Variants in RFWD3 observed in about 807,000 individuals in gnomAD.
The protein encoded by RFWD3 is E3 ubiquitin-protein ligase RFWD3.
RFWD3 carries 65 observed loss-of-function variants against 87.7 expected under a neutral mutation model. The ratio of observed to expected loss-of-function variants is 0.74; its 90% confidence interval spans 0.61 to 0.91. The LOEUF is 0.91. RFWD3 is among the 40% of genes least tolerant of loss of function. RFWD3 has a pLI of 0.00. For synonymous variants in RFWD3, 433 were observed against 352.8 expected (o/e 1.23, Z -2.55); for missense variants, 1,078 against 938.5 (o/e 1.15, Z -1.94).
chr16:74,643,473 A>C (rs545301100), intron 6 of RFWD3, among the ~76,000 whole-genome samples: 18 of 152,112 alleles, frequency 1.2e-4, no homozygotes, highest in African/African-American at 4.1e-4. Flanking sequence ...ACAGCCTTCA[A>C]TGTTTCTTTA....
At position 74,637,122 on chromosome 16, in the gene RFWD3, T is replaced by TAAAAA. The variant is rs759556308; in HGVS notation, c.1195-550_1195-546dup. Among the ~76,000 whole-genome samples the TAAAAA allele has an allele frequency of 1.2e-3, 122 of 101,376 alleles. 2 individuals are homozygous for TAAAAA. Among genetic ancestry groups the TAAAAA allele is most frequent in the Middle Eastern group, 0.012 (2 of 172 alleles). 66.5% of individuals were successfully genotyped at this position (101,376 alleles called of 152,430 possible). ...AATGGTGGTTTCGTTTAAAGTCCTTTAAAAAAAAAAAAAAAAAAAAAAACA... is the reference window on the plus strand; with the variant it reads ...AATGGTGGTTTCGTTTAAAGTCCTTTAAAAAAAAAAAAAAAAAAAAAAAAAAAACA... On this transcript the variant is annotated intron_variant, in intron 7 of 12. Coordinates refer to ENST00000361070, the MANE Select transcript of RFWD3 (RefSeq NM_018124.4).
intron 2 of RFWD3, among the ~76,000 whole-genome samples, chr16:74,659,817 T>A (rs933652094): frequency 1.3e-5 from 2 of 152,186 alleles, no homozygotes; most frequent in Admixed American, 1.3e-4. Flanking sequence ...AATTATCCCA[T>A]CAGCTTCCTC....
chr16:74,659,142 T>C (rs1202002350), intron 2 of RFWD3, among the ~76,000 whole-genome samples: 2 of 152,110 alleles, frequency 1.3e-5, no homozygotes. Flanking sequence ...TGGCATCTGG[T>C]TTATAAGTGT....
At chr16:74,626,000 A>C (rs1185569387) in intron 12 of RFWD3, among the ~76,000 whole-genome samples, 1 of 152,222 alleles carries the variant, frequency 6.6e-6, no homozygotes, top group Admixed American at 6.5e-5. Context: ...AGCCTGGCCA[A>C]CACGGTGAAA....
rs556542707 is a variant in RFWD3, at chr16:74,666,047, G to A, written c.-3+739C>T. On this transcript the variant is annotated intron_variant, in intron 1 of 12. Transcript: ENST00000361070. ...ACAGGAAAAAGGGAGGAAGAGAGAG[G>A]GAGAGGGAGAGGCGGAGGGGGAAGA... Among the ~76,000 whole-genome samples the A allele has an allele frequency of 6.6e-5, 10 of 152,040 alleles. No homozygotes were observed. The South Asian group carries it at 1.9e-3, about 28-fold the overall frequency.
intron 10 of RFWD3, among the ~76,000 whole-genome samples, chr16:74,630,127 ACT>A (rs1399028876): frequency 6.6e-6 from 1 of 150,838 alleles, no homozygotes; most frequent in African/African-American, 2.4e-5. Context: ...ATGGCGTCTC[ACT>A]CTGTTGCCCA....
intron 2 of RFWD3, among the ~76,000 whole-genome samples, chr16:74,656,740 G>A (rs1961018150): frequency 6.6e-6 from 1 of 152,182 alleles, no homozygotes; most frequent in African/African-American, 2.4e-5. Context: ...TTATAGGCAT[G>A]AGCCACTGTG....
chr16:74,643,043 T>A (rs914736045), intron 6 of RFWD3, among the ~76,000 whole-genome samples: 4 of 152,348 alleles, frequency 2.6e-5, no homozygotes, highest in African/African-American at 9.6e-5. Context: ...TCTTCCATTA[T>A]TTAAAAACGC....
At chr16:74,652,969 C>T (rs919704075) in intron 2 of RFWD3, among the ~76,000 whole-genome samples, 2 of 152,160 alleles carry the variant, frequency 1.3e-5, no homozygotes, top group African/African-American at 4.8e-5. Flanking sequence ...GCATGAGCCA[C>T]CACACCCAGA....
At chr16:74,633,192 G>A (rs1428956553) in intron 8 of RFWD3, among the ~76,000 whole-genome samples, 8 of 150,628 alleles carry the variant, frequency 5.3e-5, no homozygotes, top group East Asian at 2.0e-4. Context: ...CAGGAGAATC[G>A]CTTGAACCCA....
chr16:74,640,753 G>T (rs978703682), intron 6 of RFWD3, among the ~76,000 whole-genome samples: 1 of 151,686 alleles, frequency 6.6e-6, no homozygotes, highest in Non-Finnish European at 1.5e-5. Context: ...TCCTGGCCAA[G>T]ATGGTGAAAC....
Position 74,662,103 on chromosome 16 carries a change from G to T in RFWD3, c.-2-652C>A, listed in dbSNP as rs573785334. ...CATGTTTCCTATCTTTAATTCCATTGTATCAGTTTGAAAACTACCACCTAG... is the reference window on the plus strand; with the variant it reads ...CATGTTTCCTATCTTTAATTCCATTTTATCAGTTTGAAAACTACCACCTAG... On this transcript the variant is annotated intron_variant, in intron 1 of 12. Coordinates refer to ENST00000361070, the MANE Select transcript of RFWD3 (RefSeq NM_018124.4). 2.6e-5 allele frequency among the ~76,000 whole-genome samples: 4 copies of T among 151,542 alleles called. No individual in the cohort carries two copies. The South Asian group carries it at 6.3e-4, about 24-fold the overall frequency.
chr16:74,659,360 A>G (rs1961249517), intron 2 of RFWD3, among the ~76,000 whole-genome samples: 1 of 152,182 alleles, frequency 6.6e-6, no homozygotes, highest in South Asian at 2.1e-4. Context: ...AAATTACACC[A>G]TAAGGTGCCT....
At chr16:74,642,109 C>A (rs1331586013) in intron 6 of RFWD3, among the ~76,000 whole-genome samples, 2 of 152,042 alleles carry the variant, frequency 1.3e-5, no homozygotes. Flanking sequence ...ACTTAGTTCA[C>A]AGGAAGACTT....
intron 2 of RFWD3, among the ~76,000 whole-genome samples, chr16:74,657,472 C>CTTT (rs748644319): frequency 3.2e-5 from 3 of 92,538 alleles, no homozygotes; most frequent in Non-Finnish European, 6.2e-5. Flanking sequence ...CCCAGGTTTT[C>CTTT]TTTTTCTTTT....
Position 74,622,236 on chromosome 16 carries a change from G to A in RFWD3, c.*1692C>T, listed in dbSNP as rs189536063. The stretch of plus-strand genomic sequence containing the variant: ...TATTCTGCCACTGAAACTAGGCCTG[G>A]GCAACCACTCTTAATCATTAACATA... On this transcript the variant is annotated 3_prime_UTR_variant, in exon 13 of 13. Transcript: ENST00000361070. 6.6e-6 allele frequency: 1 copy of A among 151,896 alleles called. No individual in the cohort carries two copies. Among genetic ancestry groups the A allele is most frequent in the Non-Finnish European group, 1.5e-5 (1 of 67,996 alleles). 9.4% of individuals were successfully genotyped at this position (151,896 alleles called of 1,614,324 possible).
At position 74,651,998 on chromosome 16, in the gene RFWD3, C is replaced by A; in HGVS notation, c.643G>T (p.Asp215Tyr). 1 of 1,614,068 alleles carries A rather than the reference C, an allele frequency of 6.2e-7. No individual in the cohort carries two copies. The highest frequency in any genetic ancestry group is 1.1e-5 in the South Asian group (1 of 91,072). ...TCTGCAGAGCTGTCACTGTCAGAAT[C>A]AGAACTACTAGACACCTGCAACTCT... ...SEELQVSSSS[D>Y]SDSDSSAEYG... The change falls in exon 3 of 13, where the codon GAT (aspartate) becomes TAT (tyrosine). Residue 215 changes from aspartate (D) to tyrosine (Y), a missense_variant. Physicochemically the swap from Asp to Tyr is radical, Grantham distance 160. Transcript: ENST00000361070.
At chr16:74,635,805 T>C (rs1002444918) in intron 8 of RFWD3, among the ~76,000 whole-genome samples, 1 of 152,238 alleles carries the variant, frequency 6.6e-6, no homozygotes, top group Non-Finnish European at 1.5e-5. Flanking sequence ...AATGATTTAA[T>C]TGAGCATTTG....
At chr16:74,638,006 G>T (rs755561731) in intron 6 of RFWD3, 36 bp from the exon 7 acceptor site, 4 of 1,414,792 alleles carry the variant, frequency 2.8e-6, no homozygotes, top group Non-Finnish European at 4.0e-6. Flanking sequence ...TGGGGATTAG[G>T]AAGGCTACAG....
Sources: gnomAD v4.1 joint callset for allele counts (sites outside exome capture counted in the v4.1 genomes callset) on GRCh38, gnomAD v4.1.1 for gene constraint, MANE v1.5 for transcripts, NCBI Gene and HGNC (gene_info 2026-07-23, HGNC 2026-07-21) for gene names.